Variants in TBC1D22A observed in about 807,000 individuals in gnomAD.
TBC1D22A encodes the protein TBC1 domain family member 22A.
A neutral mutation model predicts 60.2 loss-of-function variants in TBC1D22A; 38 were observed. That is an observed-to-expected ratio of 0.63 (90% CI 0.49 to 0.83). TBC1D22A has a LOEUF of 0.83. TBC1D22A is among the 40% of genes least tolerant of loss of function. TBC1D22A has a pLI of 0.00. For missense variants in TBC1D22A, 628 were observed against 701.0 expected, an observed-to-expected ratio of 0.90 and a Z score of 1.18; for synonymous variants, 302 against 281.7, an observed-to-expected ratio of 1.07 and a Z score of -0.72.
chr22:47,122,516 G>T (rs2066305109), intron 12 of TBC1D22A, among the ~76,000 whole-genome samples: 1 of 152,164 alleles, frequency 6.6e-6, no homozygotes, highest in Admixed American at 6.5e-5. Flanking sequence ...CCTGGGCCCA[G>T]CCCCTACTTG....
intron 11 of TBC1D22A, among the ~76,000 whole-genome samples, chr22:47,095,238 C>T (rs547061749): frequency 5.2e-4 from 79 of 152,356 alleles, no homozygotes; most frequent in African/African-American, 1.9e-3. Context: ...TGAATCTTAG[C>T]AAAGAATGGG....
intron 8 of TBC1D22A, among the ~76,000 whole-genome samples, chr22:46,939,247 G>C (rs1478508422): frequency 6.6e-6 from 1 of 152,224 alleles, no homozygotes; most frequent in Non-Finnish European, 1.5e-5. Context: ...TGCTAATGAT[G>C]ATGGTGAAAT....
intron 1 of TBC1D22A, among the ~76,000 whole-genome samples, chr22:46,785,702 G>A (rs751610068): frequency 3.9e-5 from 6 of 152,172 alleles, no homozygotes; most frequent in East Asian, 1.9e-4. Flanking sequence ...ATAATATAAT[G>A]TGCATTTCTT....
chr22:47,085,473 T>G (rs2064642640), intron 11 of TBC1D22A, among the ~76,000 whole-genome samples: 1 of 152,176 alleles, frequency 6.6e-6, no homozygotes, highest in African/African-American at 2.4e-5. Flanking sequence ...GAATTTTCCA[T>G]CTTAGCATTT....
intron 1 of TBC1D22A, among the ~76,000 whole-genome samples, chr22:46,774,784 G>A (rs1217520185): frequency 6.6e-6 from 1 of 152,138 alleles, no homozygotes; most frequent in Non-Finnish European, 1.5e-5. Flanking sequence ...CTGTTCCCAC[G>A]GGTCCCTCCT....
intron 8 of TBC1D22A, among the ~76,000 whole-genome samples, chr22:46,956,321 C>T (rs1248608717): frequency 6.6e-6 from 1 of 152,168 alleles, no homozygotes; most frequent in Non-Finnish European, 1.5e-5. Flanking sequence ...CACAGTGGCT[C>T]ACGCCTGTAA....
chr22:47,076,378 T>TACAC (rs1202782684), intron 11 of TBC1D22A, among the ~76,000 whole-genome samples: 8 of 106,744 alleles, frequency 7.5e-5, no homozygotes, highest in African/African-American at 1.2e-4. Context: ...TATATATATA[T>TACAC]ATACACACAC....
rs556426226 is a variant in TBC1D22A at position 46,997,064 on chromosome 22, T to G, written c.1126-570T>G. 3.3e-5 allele frequency among the ~76,000 whole-genome samples: 5 copies of G among 152,352 alleles called. No individual in the cohort carries two copies. The South Asian group carries it at 1.0e-3, about 32-fold the overall frequency. The stretch of plus-strand genomic sequence containing the variant: ...GCCCAGGCCCCCTTCCCTTTGATGC[T>G]ATGCAGACCTTCCTATGTTAGTGTC... On this transcript the variant is annotated intron_variant, in intron 9 of 12. Transcript: ENST00000337137.
intron 4 of TBC1D22A, among the ~76,000 whole-genome samples, chr22:46,806,086 C>T (rs1033261830): frequency 8.5e-5 from 13 of 152,106 alleles, no homozygotes; most frequent in African/African-American, 2.2e-4. Flanking sequence ...CTCCTGACCT[C>T]GTGATCCACC....
At chr22:46,942,399 G>C (rs988834686) in intron 8 of TBC1D22A, among the ~76,000 whole-genome samples, 5 of 152,172 alleles carry the variant, frequency 3.3e-5, no homozygotes, top group Non-Finnish European at 5.9e-5. Context: ...CTTTGGGGAA[G>C]TTTCAGTGAC....
chr22:47,013,190 G>A (rs894120180), intron 10 of TBC1D22A, among the ~76,000 whole-genome samples: 4 of 152,094 alleles, frequency 2.6e-5, no homozygotes, highest in Non-Finnish European at 4.4e-5. Flanking sequence ...GCCAAATTGC[G>A]GTTAGCATTT....
At position 47,080,541 on chromosome 22, in the gene TBC1D22A, C is replaced by T. The variant is rs144413857; in HGVS notation, c.1330-30967C>T. 9.4e-3 allele frequency among the ~76,000 whole-genome samples: 1,419 copies of T among 151,000 alleles called. 16 individuals carry two copies. The highest frequency in any genetic ancestry group is 0.033 in the African/African-American group (1,347 of 41,152). On this transcript the variant is annotated intron_variant, in intron 11 of 12. Coordinates refer to ENST00000337137, the MANE Select transcript of TBC1D22A (RefSeq NM_014346.5). ...AAGGGAAAAGAGATTTTTTTTTAAC[C>T]GAATGGATTATAAAAATGTAACCTT...
chr22:46,894,102 C>T (rs1259789534), intron 6 of TBC1D22A, among the ~76,000 whole-genome samples: 1 of 152,152 alleles, frequency 6.6e-6, no homozygotes, highest in Non-Finnish European at 1.5e-5. Flanking sequence ...CCATTGGTGC[C>T]GTTGTCCTGG....
chr22:46,946,818 G>A (rs1211824235), intron 8 of TBC1D22A, among the ~76,000 whole-genome samples: 1 of 152,204 alleles, frequency 6.6e-6, no homozygotes, highest in East Asian at 1.9e-4. Context: ...GCATTAGGAA[G>A]TGCATTCTGA....
intron 8 of TBC1D22A, among the ~76,000 whole-genome samples, chr22:46,958,588 G>C (rs890517125): frequency 6.6e-6 from 1 of 152,164 alleles, no homozygotes. Flanking sequence ...GCCAGCCTCC[G>C]TGTCTACTTG....
intron 4 of TBC1D22A, among the ~76,000 whole-genome samples, chr22:46,874,111 A>G (rs2067422420): frequency 6.6e-6 from 1 of 152,038 alleles, no homozygotes; most frequent in Non-Finnish European, 1.5e-5. Context: ...CGCCTGGCCA[A>G]TCTTGTTTCT....
rs540683301 is a variant in TBC1D22A, at chr22:46,966,239, C to T, written c.1016-8051C>T. On this transcript the variant is annotated intron_variant, in intron 8 of 12. Transcript: ENST00000337137. ...GGCCCTGTGCTCATGCTTTCCAGCCCGGTCGGGCTCCGTGCCTTCTGCCCC... is the reference window on the plus strand; with the variant it reads ...GGCCCTGTGCTCATGCTTTCCAGCCTGGTCGGGCTCCGTGCCTTCTGCCCC... Among the ~76,000 whole-genome samples the T allele has an allele frequency of 5.9e-5, 9 of 152,244 alleles. 1 individual carries two copies. The highest frequency in any genetic ancestry group is 1.3e-4 in the Admixed American group (2 of 15,296).
chr22:46,775,377 A>G (rs2083660792), intron 1 of TBC1D22A, among the ~76,000 whole-genome samples: 1 of 152,156 alleles, frequency 6.6e-6, no homozygotes, highest in South Asian at 2.1e-4. Flanking sequence ...GGAGGAAGAA[A>G]GGTTCAGAGA....
At chr22:46,933,598 C>G (rs1180803967) in intron 8 of TBC1D22A, among the ~76,000 whole-genome samples, 2 of 151,598 alleles carry the variant, frequency 1.3e-5, no homozygotes. Flanking sequence ...CTATTTAATT[C>G]TGAGGACAGA....
Sources: allele counts gnomAD v4.1 joint callset (sites outside exome capture counted in the v4.1 genomes callset), GRCh38; gene constraint gnomAD v4.1.1; transcripts MANE v1.5; gene names NCBI Gene and HGNC (gene_info 2026-07-23, HGNC 2026-07-21).